Variants in ERC1 observed in about 807,000 individuals in gnomAD.
The protein encoded by ERC1 is RAB6 interacting protein 2.
ERC1 carries 56 observed loss-of-function variants against 132.0 expected under a neutral mutation model. The ratio of observed to expected loss-of-function variants is 0.42; its 90% CI spans 0.34 to 0.53. The LOEUF (loss-of-function observed/expected upper bound fraction) is 0.53, where lower values mean the gene tolerates loss of function less well. ERC1 is among the 20% of genes least tolerant of loss of function. ERC1 has a pLI of 0.03. For synonymous variants in ERC1, 478 were observed against 476.1 expected (o/e 1.00, Z -0.05); for missense variants, 1,202 against 1,349.9 (o/e 0.89, Z 1.72).
chr12:1,483,954 T>A (rs78882780), intron 18 of ERC1, among the ~76,000 whole-genome samples: 51,256 of 150,980 alleles, frequency 0.34, 9,138 homozygotes, highest in African/African-American at 0.45. Flanking sequence ...TCGGCCTCCC[T>A]GAGTGCTGGG....
Position 1,056,481 on chromosome 12 carries a change from G to T in ERC1, c.670-26683G>T, listed in dbSNP as rs1011640685. 5.9e-5 allele frequency among the ~76,000 whole-genome samples: 9 copies of T among 152,104 alleles called. 1 individual carries two copies. The highest frequency in any genetic ancestry group is 1.2e-4 in the Non-Finnish European group (8 of 68,014). On this transcript the variant is annotated intron_variant, in intron 2 of 18. Transcript: ENST00000360905. ...CTGGTTCTGCGGTGGAATGCAAGGG[G>T]TTTTATAGATAAGCTTGAGGAGGTG...
chr12:1,009,111 A>T (rs1964227505), intron 1 of ERC1, among the ~76,000 whole-genome samples: 1 of 152,166 alleles, frequency 6.6e-6, no homozygotes, highest in African/African-American at 2.4e-5. Context: ...TTAAAACAAA[A>T]TCGATAAAAG....
In ERC1 at chr12:1,134,664, G is replaced by T. The variant is rs115891400; in HGVS notation, c.1570-6956G>T. On this transcript the variant is annotated intron_variant, in intron 7 of 18. Transcript: ENST00000360905. The stretch of plus-strand genomic sequence containing the variant: ...ACCGCACCTGGCCCTAATTTTGAGT[G>T]TAGCAAATATTGATAGATATAACTC... Among the ~76,000 whole-genome samples the T allele has an allele frequency of 3.4e-3, 512 of 151,390 alleles. 3 individuals carry two copies. Among genetic ancestry groups the T allele is most frequent in the African/African-American group, 0.012 (475 of 41,262 alleles).
chr12:1,179,153 A>G (rs1328370788), intron 8 of ERC1, among the ~76,000 whole-genome samples: 1 of 152,090 alleles, frequency 6.6e-6, no homozygotes, highest in Non-Finnish European at 1.5e-5. Flanking sequence ...ATAACATGCT[A>G]TTTCCACAGT....
chr12:1,129,395 C>T (rs893235062), intron 7 of ERC1, among the ~76,000 whole-genome samples: 1 of 152,136 alleles, frequency 6.6e-6, no homozygotes, highest in African/African-American at 2.4e-5. Context: ...GTGGTGTGTA[C>T]ATGTAGTCCT....
chr12:1,346,411 C>T (rs1434947929), intron 15 of ERC1, among the ~76,000 whole-genome samples: 4 of 152,276 alleles, frequency 2.6e-5, no homozygotes, highest in Admixed American at 6.5e-5. Flanking sequence ...TGGGAATTCT[C>T]ACAGTTTTAT....
chr12:1,463,633 A>G (rs1287071992), intron 18 of ERC1, among the ~76,000 whole-genome samples: 2 of 151,878 alleles, frequency 1.3e-5, no homozygotes, highest in African/African-American at 4.8e-5. Flanking sequence ...AACTGTGAAG[A>G]TAAATGTGTG....
At chr12:1,213,695 G>A (rs1390883687) in intron 12 of ERC1, among the ~76,000 whole-genome samples, 1 of 143,286 alleles carries the variant, frequency 7.0e-6, no homozygotes. Context: ...CGAGATCACT[G>A]CCACTGCACT....
At chr12:1,037,255 G>A (rs1055654123) in intron 2 of ERC1, among the ~76,000 whole-genome samples, 1 of 152,280 alleles carries the variant, frequency 6.6e-6, no homozygotes. Flanking sequence ...GGATCTCATA[G>A]TGCAGTGTAG....
At chr12:994,961 T>A (rs565455378) in intron 1 of ERC1, among the ~76,000 whole-genome samples, 34 of 152,046 alleles carry the variant, frequency 2.2e-4, no homozygotes, top group Non-Finnish European at 3.2e-4. Flanking sequence ...CTGGGGGTGG[T>A]GGCGCGTGCC....
intron 18 of ERC1, among the ~76,000 whole-genome samples, chr12:1,476,510 A>G (rs2093978164): frequency 1.3e-5 from 2 of 152,244 alleles, no homozygotes; most frequent in South Asian, 4.1e-4. Context: ...AGAAGTGGCC[A>G]ATAAATATAT....
intron 3 of ERC1, among the ~76,000 whole-genome samples, chr12:1,094,730 A>T (rs1404913917): frequency 6.6e-6 from 1 of 152,128 alleles, no homozygotes; most frequent in African/African-American, 2.4e-5. Flanking sequence ...TTTTTAAATT[A>T]CATCATTTGT....
intron 16 of ERC1, among the ~76,000 whole-genome samples, chr12:1,390,424 TAA>T (rs970583463): frequency 4.6e-5 from 7 of 152,170 alleles, no homozygotes; most frequent in East Asian, 1.9e-4. Flanking sequence ...TAAAAAATAA[TAA>T]AGTTTAATTT....
chr12:1,481,682 G>A (rs1011009526), intron 18 of ERC1, among the ~76,000 whole-genome samples: 1 of 152,124 alleles, frequency 6.6e-6, no homozygotes, highest in Non-Finnish European at 1.5e-5. Context: ...TAAACTTTTC[G>A]ATTCTGTGAT....
At chr12:1,125,229 T>C (rs1341949156) in intron 7 of ERC1, among the ~76,000 whole-genome samples, 1 of 151,882 alleles carries the variant, frequency 6.6e-6, no homozygotes, top group Non-Finnish European at 1.5e-5. Context: ...CTCCTGACCT[T>C]ATGATCTGCC....
chr12:1,208,190 A>G lies in ERC1; in HGVS notation c.2351+18138A>G, dbSNP rs1398533578. Among the ~76,000 whole-genome samples, 3 of 152,292 alleles carry G rather than the reference A, an allele frequency of 2.0e-5. No individual in the cohort carries two copies. The East Asian group carries it at 5.8e-4, about 29-fold the overall frequency. ...CTAAGTGGCAGAATCTAGGGTACAA[A>G]TCTAGTTTGTCTCATTTCAAGTTTA... On this transcript the variant is annotated intron_variant, in intron 12 of 18. Coordinates refer to ENST00000360905, the MANE Select transcript of ERC1 (RefSeq NM_178040.4).
chr12:1,031,291 A>G (rs1366287389), intron 2 of ERC1, among the ~76,000 whole-genome samples: 1 of 152,194 alleles, frequency 6.6e-6, no homozygotes, highest in Admixed American at 6.5e-5. Flanking sequence ...ATTTCTCTTT[A>G]CTGAAATATC....
intron 17 of ERC1, 36 bp downstream of exon 17, chr12:1,408,283 A>C (rs768684464): frequency 6.7e-7 from 1 of 1,482,646 alleles, no homozygotes; most frequent in South Asian, 1.2e-5. Context: ...TAAAAAACCC[A>C]CACACTTAAA....
intron 1 of ERC1, among the ~76,000 whole-genome samples, chr12:1,002,247 C>T (rs1468744724): frequency 1.5e-5 from 2 of 132,100 alleles, no homozygotes; most frequent in Non-Finnish European, 3.1e-5. Context: ...GATCATGGCT[C>T]ACTGCAGCCT....
Sources: allele counts gnomAD v4.1 joint callset (sites outside exome capture counted in the v4.1 genomes callset), GRCh38; gene constraint gnomAD v4.1.1; transcripts MANE v1.5; gene names NCBI Gene and HGNC (gene_info 2026-07-23, HGNC 2026-07-21).